Variants in ADORA2B observed in about 807,000 individuals in gnomAD.
ADORA2B encodes the protein adenosine A2b receptor.
In ADORA2B, 18 loss-of-function variants were observed where a neutral mutation model predicts 20.8. That is an observed-to-expected ratio of 0.87 (90% CI 0.60 to 1.29). The LOEUF (loss-of-function observed/expected upper bound fraction) is 1.29. Among genes scored for constraint, ADORA2B ranks in the 50% most tolerant of loss-of-function variants. The pLI is 0.00. For synonymous variants in ADORA2B, 179 were observed against 178.3 expected (o/e 1.00, Z -0.03); for missense variants, 441 against 422.7 (o/e 1.04, Z -0.38).
At chr17:15,945,874 C>T (rs1597843549) in intron 1 of ADORA2B, among the ~76,000 whole-genome samples, 1 of 152,036 alleles carries the variant, frequency 6.6e-6, no homozygotes, top group Non-Finnish European at 1.5e-5. Flanking sequence ...GTGGAAACCC[C>T]GGGGAAAGCG....
intron 1 of ADORA2B, among the ~76,000 whole-genome samples, chr17:15,969,971 A>AT (rs1392699162): frequency 2.0e-5 from 3 of 152,150 alleles, no homozygotes; most frequent in Non-Finnish European, 4.4e-5. Context: ...TCGGCCTGGT[A>AT]TGTTCTACTT....
the ADORA2B span, among the ~76,000 whole-genome samples, chr17:15,919,321 C>T: frequency 1.6e-4 from 25 of 152,158 alleles, no homozygotes; most frequent in African/African-American, 6.0e-4. Flanking sequence ...CACTGCAACC[C>T]GTTGAGTCAT....
chr17:15,922,146 G>A, the ADORA2B span, among the ~76,000 whole-genome samples: 6 of 152,124 alleles, frequency 3.9e-5, no homozygotes, highest in African/African-American at 9.7e-5. Context: ...GTGAAAGACC[G>A]TGCCACTCAG....
chr17:15,921,038 G>A, the ADORA2B span, among the ~76,000 whole-genome samples: 1 of 152,238 alleles, frequency 6.6e-6, no homozygotes, highest in South Asian at 2.1e-4. Context: ...ACATGTGCCA[G>A]GCTTCCGGCC....
rs528821735 is a variant in ADORA2B at position 15,964,985 on chromosome 17, G to A, written c.336-9694G>A. On this transcript the variant is annotated intron_variant, in intron 1 of 1. Transcript: ENST00000304222. ...TGAGGCAGGAGAATGGCGTGAACCC[G>A]GGAGGCGGAGCTTGCAGTGAGCCGA... Among the ~76,000 whole-genome samples the A allele has an allele frequency of 2.4e-3, 364 of 152,252 alleles. 16 individuals are homozygous for A. The South Asian group carries it at 0.074, about 31-fold the overall frequency.
At chr17:15,913,213 T>C in the ADORA2B span, among the ~76,000 whole-genome samples, 1 of 152,248 alleles carries the variant, frequency 6.6e-6, no homozygotes, top group African/African-American at 2.4e-5. Flanking sequence ...GCTGTGCATT[T>C]ACACCCTGCA....
chr17:15,963,210 C>T (rs934385851), intron 1 of ADORA2B, among the ~76,000 whole-genome samples: 1 of 152,134 alleles, frequency 6.6e-6, no homozygotes, highest in Non-Finnish European at 1.5e-5. Context: ...CATTTCACGA[C>T]TGTCATAGTA....
chr17:15,903,335 T>C, the ADORA2B span, among the ~76,000 whole-genome samples: 1 of 152,208 alleles, frequency 6.6e-6, no homozygotes, highest in East Asian at 1.9e-4. Flanking sequence ...ATGAAAAATA[T>C]AAGATTGAAA....
the ADORA2B span, among the ~76,000 whole-genome samples, chr17:15,855,956 C>T: frequency 6.6e-6 from 1 of 151,992 alleles, no homozygotes; most frequent in African/African-American, 2.4e-5. Flanking sequence ...CACTTGCCCT[C>T]CCCACAACCT....
the ADORA2B span, among the ~76,000 whole-genome samples, chr17:15,910,776 G>C: frequency 6.6e-6 from 1 of 152,162 alleles, no homozygotes; most frequent in Admixed American, 6.5e-5. Context: ...TACCTGGAAA[G>C]GGCAGGAGCT....
the ADORA2B span, among the ~76,000 whole-genome samples, chr17:15,938,075 T>C: frequency 3.3e-5 from 5 of 152,032 alleles, no homozygotes; most frequent in Non-Finnish European, 5.9e-5. Flanking sequence ...CTGGTTGTAG[T>C]GGATCATATC....
At chr17:15,962,481 T>C (rs1224372236) in intron 1 of ADORA2B, among the ~76,000 whole-genome samples, 1 of 152,124 alleles carries the variant, frequency 6.6e-6, no homozygotes, top group Non-Finnish European at 1.5e-5. Context: ...CAGAATTTTA[T>C]TTTCATTAAA....
the ADORA2B span, among the ~76,000 whole-genome samples, chr17:15,890,467 TA>T: frequency 1.1e-5 from 1 of 94,894 alleles, no homozygotes; most frequent in African/African-American, 4.8e-5. Flanking sequence ...TTCTTTTATT[TA>T]TTTATTTATT....
the ADORA2B span, among the ~76,000 whole-genome samples, chr17:15,865,857 G>A: frequency 5.3e-5 from 8 of 150,432 alleles, no homozygotes; most frequent in African/African-American, 1.5e-4. Context: ...TTTAGGGAGC[G>A]GAAAGTTTAA....
chr17:15,975,498 T>A lies in ADORA2B; in HGVS notation c.*156T>A. 1 of 676,178 alleles carries A rather than the reference T, an allele frequency of 1.5e-6. No individual in the cohort carries two copies. Among genetic ancestry groups the A allele is most frequent in the African/African-American group, 1.8e-5 (1 of 55,484 alleles). 41.9% of individuals were successfully genotyped at this position (676,178 alleles called of 1,614,324 possible). ...AGCTACCACGTATCTAGCTAATATG[T>A]ATGTGTCAGTAGTAGGCTCCAAGGA... is the stretch of plus-strand genomic sequence containing the variant. On this transcript the variant is annotated 3_prime_UTR_variant, in exon 2 of 2. Transcript: ENST00000304222.
chr17:15,933,774 GTA>G, the ADORA2B span, among the ~76,000 whole-genome samples: 5 of 139,654 alleles, frequency 3.6e-5, no homozygotes, highest in East Asian at 4.1e-4. Context: ...ATATGTGTGT[GTA>G]TATATATATA....
chr17:15,900,556 C>G, the ADORA2B span, among the ~76,000 whole-genome samples: 2 of 151,988 alleles, frequency 1.3e-5, no homozygotes, highest in African/African-American at 2.4e-5. Flanking sequence ...AAGTGATCCT[C>G]CCACCTCAGC....
chr17:15,861,477 T>C, the ADORA2B span, among the ~76,000 whole-genome samples: 15 of 152,342 alleles, frequency 9.8e-5, no homozygotes, highest in African/African-American at 3.6e-4. Context: ...GTTTGTGCTT[T>C]ATTTTGATAA....
At chr17:15,908,625 G>A in the ADORA2B span, 3 of 184,914 alleles carry the variant, frequency 1.6e-5, no homozygotes, top group South Asian at 1.1e-4. Context: ...AAGTACTTTC[G>A]GACGTAACCC....
Sources: allele counts gnomAD v4.1 joint callset (sites outside exome capture counted in the v4.1 genomes callset), GRCh38; gene constraint gnomAD v4.1.1; transcripts MANE v1.5; gene names NCBI Gene and HGNC (gene_info 2026-07-23, HGNC 2026-07-21).